The following CCDC171 variants were observed in gnomAD, a reference collection of about 807,000 sequenced individuals.
CCDC171 encodes coiled-coil domain containing 171.
Under a neutral mutation model 168.2 loss-of-function variants are expected in CCDC171, and 177 were observed. The observed-to-expected ratio is 1.05, with a 90% CI of 0.93 to 1.19. The LOEUF is 1.19. Ranked by LOEUF, CCDC171 falls within the 50% of genes most tolerant of loss-of-function variation. The pLI is 0.00. For missense variants in CCDC171, 1,991 were observed against 1,539.0 expected (o/e 1.29, Z -4.91); for synonymous variants, 687 against 540.8 (o/e 1.27, Z -3.75).
intron 7 of CCDC171, among the ~76,000 whole-genome samples, chr9:15,624,646 C>G (rs1412511187): frequency 6.6e-6 from 1 of 152,176 alleles, no homozygotes; most frequent in Non-Finnish European, 1.5e-5. Flanking sequence ...ATAAACTCAT[C>G]ATTTTTTATG....
intron 6 of CCDC171, among the ~76,000 whole-genome samples, chr9:15,608,769 G>C (rs34343314): frequency 1.3e-5 from 2 of 148,676 alleles, no homozygotes; most frequent in Non-Finnish European, 3.0e-5. Context: ...CTGGGCAACA[G>C]AGACACTCTC....
rs769161816 is a variant in CCDC171 at position 15,695,371 on chromosome 9, G to A, written c.1318+34G>A. The A allele has an allele frequency of 2.2e-5, 33 of 1,489,922 alleles. No individual in the cohort carries two copies. In the East Asian group the frequency reaches 7.0e-4, roughly 32 times the overall value. 92.3% of individuals were successfully genotyped at this position (1,489,922 alleles called of 1,614,324 possible). ...AAGGTATAAAATGACAGATGCATCT[G>A]TCAATGTTCCAAAGTCACTACATTT... On this transcript the variant is annotated intron_variant, in intron 11 of 25. Transcript: ENST00000380701.
chr9:15,995,321 T>C (rs536853097), intron 3 of CCDC171, among the ~76,000 whole-genome samples: 1 of 152,314 alleles, frequency 6.6e-6, no homozygotes, highest in Non-Finnish European at 1.5e-5. Context: ...TCCAGTCTCC[T>C]TACAGGGAGT....
chr9:15,615,439 A>G (rs2044009552), intron 6 of CCDC171, among the ~76,000 whole-genome samples: 2 of 152,212 alleles, frequency 1.3e-5, no homozygotes, highest in East Asian at 1.9e-4. Context: ...AGAAATTATC[A>G]TATAATATTA....
At chr9:15,838,913 A>T (rs1403637876) in intron 21 of CCDC171, among the ~76,000 whole-genome samples, 1 of 152,192 alleles carries the variant, frequency 6.6e-6, no homozygotes, top group Non-Finnish European at 1.5e-5. Context: ...TAAAAAGGTG[A>T]TACTATGCTA....
At chr9:15,804,472 TG>T (rs2058982892) in intron 21 of CCDC171, among the ~76,000 whole-genome samples, 1 of 151,774 alleles carries the variant, frequency 6.6e-6, no homozygotes, top group African/African-American at 2.4e-5. Flanking sequence ...CTTTTTTTTT[TG>T]CATCTATTGA....
intron 12 of CCDC171, among the ~76,000 whole-genome samples, chr9:15,723,323 A>T (rs1013697623): frequency 6.6e-6 from 1 of 152,170 alleles, no homozygotes; most frequent in African/African-American, 2.4e-5. Flanking sequence ...TTACTTATAG[A>T]TGCCCCTGCT....
chr9:15,665,130 T>G lies in CCDC171; in HGVS notation c.916-1033T>G, dbSNP rs1032917595. On this transcript the variant is annotated intron_variant, in intron 8 of 25. Coordinates refer to ENST00000380701, the MANE Select transcript of CCDC171 (RefSeq NM_173550.4). Reference sequence around the variant, plus strand: ...CCAGTTTCAGACCTAAACATTTTTTTTTAAATTTTTTATTTTGAGGGAAGG... The same window carrying G: ...CCAGTTTCAGACCTAAACATTTTTTGTTAAATTTTTTATTTTGAGGGAAGG... Among the ~76,000 whole-genome samples the G allele has an allele frequency of 5.3e-5, 8 of 152,200 alleles. No homozygotes were observed. The South Asian group carries it at 1.2e-3, about 24-fold the overall frequency.
At position 15,579,069 on chromosome 9, in the gene CCDC171, T is replaced by C. The variant is rs778981312; in HGVS notation, c.352+46T>C. 6.1e-6 allele frequency: 9 copies of C among 1,474,952 alleles called. No individual in the cohort carries two copies. The Admixed American group carries it at 8.8e-5, about 14-fold the overall frequency. 91.4% of individuals were successfully genotyped at this position (1,474,952 alleles called of 1,614,324 possible). ...TCCCAAGTTTAGGGTTGTAACCTGA[T>C]TGTATATCACTCCTCGCTGTTGTGT... On this transcript the variant is annotated intron_variant, in intron 4 of 25. Transcript: ENST00000380701.
chr9:15,706,588 C>T (rs1322826053), intron 11 of CCDC171, among the ~76,000 whole-genome samples: 1 of 152,066 alleles, frequency 6.6e-6, no homozygotes. Flanking sequence ...GTGCCCAGCC[C>T]CATGTAGTAT....
chr9:15,638,134 C>A (rs1156546511), intron 7 of CCDC171, among the ~76,000 whole-genome samples: 1 of 152,082 alleles, frequency 6.6e-6, no homozygotes, highest in Non-Finnish European at 1.5e-5. Context: ...TTTTGGAGAA[C>A]TTGAAGCTTT....
At chr9:15,899,466 A>T (rs1268771757) in intron 24 of CCDC171, among the ~76,000 whole-genome samples, 3 of 152,120 alleles carry the variant, frequency 2.0e-5, no homozygotes, top group Non-Finnish European at 4.4e-5. Context: ...TCTTTAAGAG[A>T]TCCAGTTTCT....
chr9:15,734,972 G>A (rs1270972143), intron 16 of CCDC171, among the ~76,000 whole-genome samples: 1 of 152,120 alleles, frequency 6.6e-6, no homozygotes, highest in Non-Finnish European at 1.5e-5. Flanking sequence ...TTTGGCCATT[G>A]TAAAGAAGCA....
the CCDC171 span, among the ~76,000 whole-genome samples, chr9:16,103,833 CG>C: frequency 2.0e-5 from 3 of 151,992 alleles, no homozygotes; most frequent in South Asian, 4.2e-4. Flanking sequence ...GCATGGACTC[CG>C]GGGGGGCTGG....
intron 25 of CCDC171, among the ~76,000 whole-genome samples, chr9:15,945,032 C>T (rs1452078412): frequency 2.0e-5 from 3 of 151,816 alleles, no homozygotes; most frequent in Non-Finnish European, 2.9e-5. Context: ...CCCTCTCCCC[C>T]GCCCACCCCA....
At chr9:15,579,993 T>C (rs1221067580) in intron 4 of CCDC171, among the ~76,000 whole-genome samples, 3 of 152,274 alleles carry the variant, frequency 2.0e-5, no homozygotes, top group Middle Eastern at 3.4e-3. Flanking sequence ...TAGGTCCTGG[T>C]TCTACATGGT....
chr9:16,067,972 G>A, the CCDC171 span, among the ~76,000 whole-genome samples: 1 of 151,932 alleles, frequency 6.6e-6, no homozygotes, highest in East Asian at 1.9e-4. Context: ...TTAGGCAGGA[G>A]AAGGAAATAA....
At chr9:15,943,337 T>C (rs778298015) in intron 25 of CCDC171, among the ~76,000 whole-genome samples, 37 of 152,002 alleles carry the variant, frequency 2.4e-4, no homozygotes, top group African/African-American at 9.7e-5. Context: ...TTAGAACTTA[T>C]GAGACACATA....
chr9:15,846,638 T>C, intron 21 of CCDC171, 64 bp from the exon 22 acceptor site: 4 of 1,518,536 alleles, frequency 2.6e-6, no homozygotes, highest in Non-Finnish European at 3.6e-6. Flanking sequence ...TTTAATAGCC[T>C]ATGGCATAAA....
Sources: gnomAD v4.1 joint callset for allele counts (sites outside exome capture counted in the v4.1 genomes callset) on GRCh38, gnomAD v4.1.1 for gene constraint, MANE v1.5 for transcripts, NCBI Gene and HGNC (gene_info 2026-07-23, HGNC 2026-07-21) for gene names.